Variants in FHIP1A observed in about 807,000 individuals in gnomAD.
FHIP1A encodes the protein FHF complex subunit HOOK-interacting protein 1A.
A neutral mutation model predicts 88.6 loss-of-function variants in FHIP1A; 61 were observed. The observed-to-expected ratio is 0.69, with a 90% CI of 0.56 to 0.85. The LOEUF is 0.85. Among genes scored for constraint, FHIP1A ranks in the 40% least tolerant of loss-of-function variants. FHIP1A has a pLI of 0.00. For missense variants in FHIP1A, 1,154 were observed against 1,273.5 expected, an observed-to-expected ratio of 0.91 and a Z score of 1.43; for synonymous variants, 478 against 496.0, an observed-to-expected ratio of 0.96 and a Z score of 0.48.
At chr4:151,548,656 T>C (rs1392299156) in intron 3 of FHIP1A, among the ~76,000 whole-genome samples, 1 of 152,146 alleles carries the variant, frequency 6.6e-6, no homozygotes, top group Non-Finnish European at 1.5e-5. Context: ...GCACAGTGGC[T>C]CACGCCTGTA....
chr4:151,614,568 A>G (rs1019157274), intron 7 of FHIP1A, among the ~76,000 whole-genome samples: 22 of 151,758 alleles, frequency 1.4e-4, no homozygotes, highest in Non-Finnish European at 1.2e-4. Context: ...AATATTGGAG[A>G]TCCATATTTG....
intron 3 of FHIP1A, among the ~76,000 whole-genome samples, chr4:151,493,146 T>C (rs1009696388): frequency 1.3e-5 from 2 of 152,124 alleles, no homozygotes; most frequent in East Asian, 3.8e-4. Flanking sequence ...ATGGGAGATA[T>C]TAAAACCAAT....
chr4:151,623,950 G>T (rs977614168), intron 7 of FHIP1A, among the ~76,000 whole-genome samples: 2 of 152,078 alleles, frequency 1.3e-5, no homozygotes, highest in Non-Finnish European at 2.9e-5. Flanking sequence ...TAATGCATTT[G>T]CCTTCTGCTT....
chr4:151,619,837 A>G (rs1735669847), intron 7 of FHIP1A, among the ~76,000 whole-genome samples: 1 of 152,218 alleles, frequency 6.6e-6, no homozygotes, highest in South Asian at 2.1e-4. Context: ...TTAGCTGTGG[A>G]TAACAGAAAA....
intron 2 of FHIP1A, among the ~76,000 whole-genome samples, chr4:151,467,194 C>T (rs1410028691): frequency 6.6e-6 from 1 of 152,168 alleles, no homozygotes; most frequent in Non-Finnish European, 1.5e-5. Flanking sequence ...CAAAAGAAGA[C>T]ATTTATGTGG....
intron 2 of FHIP1A, among the ~76,000 whole-genome samples, chr4:151,463,616 C>G (rs971865648): frequency 1.3e-5 from 2 of 152,176 alleles, no homozygotes; most frequent in African/African-American, 4.8e-5. Context: ...TAAATGTGGT[C>G]CAGTTGTGCT....
intron 7 of FHIP1A, among the ~76,000 whole-genome samples, chr4:151,620,563 C>T (rs1735699933): frequency 6.6e-6 from 1 of 152,064 alleles, no homozygotes; most frequent in South Asian, 2.1e-4. Flanking sequence ...TAGAAGTTAG[C>T]TGACAAAACT....
At chr4:151,632,646 C>T (rs1290083821) in intron 8 of FHIP1A, among the ~76,000 whole-genome samples, 1 of 151,890 alleles carries the variant, frequency 6.6e-6, no homozygotes, top group African/African-American at 2.4e-5. Context: ...TTTTTTCTAA[C>T]TGCAATGGAA....
chr4:151,563,531 G>A (rs1733255084), intron 3 of FHIP1A, among the ~76,000 whole-genome samples: 1 of 152,194 alleles, frequency 6.6e-6, no homozygotes, highest in Non-Finnish European at 1.5e-5. Flanking sequence ...CAGAGGGAAA[G>A]AAAGGAGAAA....
In FHIP1A at chr4:151,669,135, A is replaced by T. The variant is rs1354284826; in HGVS notation, c.*6381A>T. 1.3e-5 allele frequency among the ~76,000 whole-genome samples: 2 copies of T among 152,226 alleles called. No homozygotes were observed. Among genetic ancestry groups the T allele is most frequent in the Non-Finnish European group, 2.9e-5 (2 of 68,054 alleles). ...GCGAATTTCTTGGGGTGTTAATGTA[A>T]ACATATCTTTAGAATATCTCATCGG... On this transcript the variant is annotated 3_prime_UTR_variant, in exon 14 of 14. Coordinates refer to ENST00000435205, the MANE Select transcript of FHIP1A (RefSeq NM_001109977.3).
rs965714734 is a variant in FHIP1A, at chr4:151,668,831, T to TG, written c.*6080dup. ...TCCCCAGGCAACAGAACACAGGGTT[T>TG]GGGCCTGACCAGGCAGAGCTGGTTC... On this transcript the variant is annotated 3_prime_UTR_variant, in exon 14 of 14. Coordinates refer to ENST00000435205, the MANE Select transcript of FHIP1A (RefSeq NM_001109977.3). 6.6e-6 allele frequency among the ~76,000 whole-genome samples: 1 copy of TG among 151,210 alleles called. No individual in the cohort carries two copies. Among genetic ancestry groups the TG allele is most frequent in the Non-Finnish European group, 1.5e-5 (1 of 67,808 alleles).
chr4:151,470,111 G>A (rs1031557677), intron 2 of FHIP1A, among the ~76,000 whole-genome samples: 2 of 152,186 alleles, frequency 1.3e-5, no homozygotes, highest in African/African-American at 4.8e-5. Context: ...ATTGTGCTCT[G>A]CATTTTTAAA....
intron 5 of FHIP1A, among the ~76,000 whole-genome samples, chr4:151,580,793 T>G (rs1733991341): frequency 2.0e-5 from 3 of 151,980 alleles, no homozygotes; most frequent in Admixed American, 2.0e-4. Context: ...TCATGTGTAT[T>G]ATCATGTAAC....
At chr4:151,460,564 C>G (rs1037276084) in intron 2 of FHIP1A, among the ~76,000 whole-genome samples, 4 of 152,190 alleles carry the variant, frequency 2.6e-5, no homozygotes, top group African/African-American at 9.7e-5. Flanking sequence ...GAGGGTCACT[C>G]TGTCTTTCAG....
chr4:151,501,205 T>G (rs1345143009), intron 3 of FHIP1A, among the ~76,000 whole-genome samples: 1 of 152,204 alleles, frequency 6.6e-6, no homozygotes, highest in African/African-American at 2.4e-5. Flanking sequence ...ACTTTTTGGT[T>G]GTGAATCATG....
intron 9 of FHIP1A, among the ~76,000 whole-genome samples, chr4:151,644,744 C>G (rs1361201248): frequency 6.6e-6 from 1 of 152,146 alleles, no homozygotes; most frequent in Non-Finnish European, 1.5e-5. Flanking sequence ...CTGCTCTGAT[C>G]CCTTTTGTTG....
intron 1 of FHIP1A, among the ~76,000 whole-genome samples, chr4:151,432,546 G>T (rs1358317209): frequency 1.3e-5 from 2 of 152,214 alleles, no homozygotes; most frequent in Non-Finnish European, 2.9e-5. Flanking sequence ...CAGATGGTCT[G>T]CAGAGAGTGA....
Position 151,414,910 on chromosome 4 carries a change from T to G in FHIP1A, c.-356+5445T>G, listed in dbSNP as rs190149145. On this transcript the variant is annotated intron_variant, in intron 1 of 13. Transcript: ENST00000435205. ...CTAAACAATATAGAAATATATAATG[T>G]TAAAAGTTAAAGTACACTGCAATGT... is the stretch of plus-strand genomic sequence containing the variant. 6.6e-5 allele frequency among the ~76,000 whole-genome samples: 10 copies of G among 152,310 alleles called. No homozygotes were observed. The East Asian group carries it at 9.6e-4, about 15-fold the overall frequency.
chr4:151,428,619 C>T (rs1733475409), intron 1 of FHIP1A, among the ~76,000 whole-genome samples: 2 of 152,082 alleles, frequency 1.3e-5, no homozygotes, highest in Non-Finnish European at 2.9e-5. Context: ...CCTTTTGGGG[C>T]TTTTTTGTTT....
Sources: allele counts gnomAD v4.1 joint callset (sites outside exome capture counted in the v4.1 genomes callset), GRCh38; gene constraint gnomAD v4.1.1; transcripts MANE v1.5; gene names NCBI Gene and HGNC (gene_info 2026-07-23, HGNC 2026-07-21).